Variants in ADARB2 observed in about 807,000 individuals in gnomAD.
The protein encoded by ADARB2 is adenosine deaminase RNA specific B2 (inactive), also known as inactive double-stranded RNA-specific editase B2.
Under a neutral mutation model 62.2 loss-of-function variants are expected in ADARB2, and 25 were observed. The observed-to-expected ratio is 0.40, with a 90% CI of 0.29 to 0.56. The LOEUF (loss-of-function observed/expected upper bound fraction) is 0.56. Among genes scored for constraint, ADARB2 ranks in the 20% least tolerant of loss-of-function variants. The probability of loss-of-function intolerance (pLI) is 0.43; values close to 1 mark genes in which losing one functional copy is unlikely to be tolerated. For missense variants in ADARB2, 1,071 were observed against 1,077.4 expected, an observed-to-expected ratio of 0.99 and a Z score of 0.08; for synonymous variants, 572 against 500.8, an observed-to-expected ratio of 1.14 and a Z score of -1.90.
intron 3 of ADARB2, among the ~76,000 whole-genome samples, chr10:1,308,385 T>C (rs140689204): frequency 6.6e-6 from 1 of 152,378 alleles, no homozygotes; most frequent in East Asian, 1.9e-4. Flanking sequence ...TGAGAGTTTG[T>C]GTATCCACTG....
intron 1 of ADARB2, among the ~76,000 whole-genome samples, chr10:1,453,462 G>A (rs778526028): frequency 1.5e-3 from 227 of 152,222 alleles, no homozygotes; most frequent in Non-Finnish European, 2.5e-3. Flanking sequence ...AGGGTTTAAC[G>A]TCATTCCTTT....
At chr10:1,557,645 T>C (rs1291983646) in intron 1 of ADARB2, among the ~76,000 whole-genome samples, 1 of 152,180 alleles carries the variant, frequency 6.6e-6, no homozygotes, top group Admixed American at 6.5e-5. Context: ...GGCTCACACC[T>C]GTAATCCCAG....
chr10:1,515,117 G>A (rs1310354714), intron 1 of ADARB2, among the ~76,000 whole-genome samples: 2 of 152,314 alleles, frequency 1.3e-5, no homozygotes, highest in Admixed American at 6.5e-5. Context: ...TTGCAGCAGC[G>A]ATAGTGCAAC....
rs145659901 is a variant in ADARB2 at position 1,722,317 on chromosome 10, A to T, written c.100+14734T>A. ...TAATCTACTTTTCATTCACTGACTT[A>T]CTGAGGTTAAAATAGAACATGCACA... is the stretch of plus-strand genomic sequence containing the variant. On this transcript the variant is annotated intron_variant, in intron 1 of 9. Transcript: ENST00000381312. 9.2e-5 allele frequency among the ~76,000 whole-genome samples: 14 copies of T among 152,348 alleles called. No individual in the cohort carries two copies. In the East Asian group the frequency reaches 2.7e-3, roughly 29 times the overall value.
chr10:1,626,018 C>T (rs1833762882), intron 1 of ADARB2, among the ~76,000 whole-genome samples: 1 of 120,158 alleles, frequency 8.3e-6, no homozygotes, highest in Non-Finnish European at 1.7e-5. Context: ...GACCTCAGCT[C>T]CTGCATGGAC....
intron 6 of ADARB2, among the ~76,000 whole-genome samples, chr10:1,227,342 C>T (rs944982642): frequency 1.4e-4 from 22 of 152,196 alleles, no homozygotes; most frequent in African/African-American, 4.8e-4. Flanking sequence ...ATTCCATGAC[C>T]CCTTGCGCTT....
chr10:1,661,041 T>C (rs1016847143), intron 1 of ADARB2, among the ~76,000 whole-genome samples: 2 of 152,068 alleles, frequency 1.3e-5, no homozygotes, highest in African/African-American at 2.4e-5. Flanking sequence ...TGCAATAAAC[T>C]TTCCCTCACA....
intron 3 of ADARB2, among the ~76,000 whole-genome samples, chr10:1,360,555 A>G (rs1832243431): frequency 6.6e-6 from 1 of 152,202 alleles, no homozygotes; most frequent in South Asian, 2.1e-4. Context: ...TTCCCCCTGA[A>G]TCACATCCAT....
At chr10:1,556,542 T>C in intron 1 of ADARB2, 1 of 394,624 alleles carries the variant, frequency 2.5e-6, no homozygotes. Flanking sequence ...GGGATCTTAT[T>C]AACTGGAGAT....
chr10:1,735,754 C>T (rs976504045), intron 1 of ADARB2, among the ~76,000 whole-genome samples: 4 of 152,202 alleles, frequency 2.6e-5, no homozygotes, highest in African/African-American at 9.6e-5. Context: ...GGCTCCAAAA[C>T]CTTTTGAGGA....
chr10:1,266,880 G>A (rs1451802297), intron 4 of ADARB2, among the ~76,000 whole-genome samples: 9 of 152,104 alleles, frequency 5.9e-5, no homozygotes, highest in African/African-American at 2.2e-4. Context: ...AATGAAAATA[G>A]GTTGCAAAAA....
chr10:1,570,335 G>A (rs963455569), intron 1 of ADARB2, among the ~76,000 whole-genome samples: 2 of 152,154 alleles, frequency 1.3e-5, no homozygotes, highest in African/African-American at 4.8e-5. Context: ...CCCCCTTGGC[G>A]GTTGCTACCT....
At chr10:1,486,207 C>T (rs558854747) in intron 1 of ADARB2, among the ~76,000 whole-genome samples, 15 of 124,246 alleles carry the variant, frequency 1.2e-4, no homozygotes, top group South Asian at 5.2e-4. Flanking sequence ...TGTGTGTGGA[C>T]GCCTGTGTGT....
At chr10:1,263,753 G>T (rs1310416463) in intron 4 of ADARB2, among the ~76,000 whole-genome samples, 1 of 152,216 alleles carries the variant, frequency 6.6e-6, no homozygotes, top group African/African-American at 2.4e-5. Flanking sequence ...AGGGCTGCCA[G>T]TCCTCTCCTT....
chr10:1,499,978 T>C (rs1359559574), intron 1 of ADARB2, among the ~76,000 whole-genome samples: 1 of 152,260 alleles, frequency 6.6e-6, no homozygotes, highest in Non-Finnish European at 1.5e-5. Flanking sequence ...GTGATTTTGA[T>C]ATCTTTTAAC....
chr10:1,496,077 T>C (rs1036100846), intron 1 of ADARB2, among the ~76,000 whole-genome samples: 16 of 151,654 alleles, frequency 1.1e-4, no homozygotes. Context: ...ATCACTATTA[T>C]CATCGTCATC....
chr10:1,292,989 A>AG (rs1432586035), intron 3 of ADARB2: 3 of 35,372 alleles, frequency 8.5e-5, no homozygotes, highest in Admixed American at 3.8e-4. Context: ...GGAGAGAGAG[A>AG]GGGAGAGGGA....
chr10:1,443,341 AAACT>A (rs1830926188), intron 1 of ADARB2, among the ~76,000 whole-genome samples: 1 of 152,188 alleles, frequency 6.6e-6, no homozygotes, highest in South Asian at 2.1e-4. Flanking sequence ...TGCTCCCTCA[AAACT>A]AACTGTCTTC....
intron 6 of ADARB2, among the ~76,000 whole-genome samples, 162 bp from the exon 7 acceptor site, chr10:1,217,281 G>GGGCTC (rs1408133759): frequency 8.5e-5 from 13 of 152,192 alleles, no homozygotes; most frequent in Admixed American, 6.5e-4. Flanking sequence ...ATGTGGGGTT[G>GGGCTC]GGCTCCAGAG....
Sources: allele counts gnomAD v4.1 joint callset (sites outside exome capture counted in the v4.1 genomes callset), GRCh38; gene constraint gnomAD v4.1.1; transcripts MANE v1.5; gene names NCBI Gene and HGNC (gene_info 2026-07-23, HGNC 2026-07-21).